NFATC2: variants seen among roughly 807,000 people sequenced by gnomAD.
NFATC2 encodes nuclear factor of activated T-cells, cytoplasmic 2.
A neutral mutation model predicts 87.3 loss-of-function variants in NFATC2; 22 were observed. The observed-to-expected ratio is 0.25, with a 90% CI of 0.18 to 0.36. NFATC2 has a LOEUF of 0.36. Among genes scored for constraint, NFATC2 ranks in the 10% least tolerant of loss-of-function variants. The pLI is 1.00. For synonymous variants in NFATC2, 565 were observed against 542.2 expected (o/e 1.04, Z -0.58); for missense variants, 1,149 against 1,259.1 (o/e 0.91, Z 1.32).
chr20:51,561,482 AG>A, intron 1 of NFATC2, among the ~76,000 whole-genome samples: 1 of 108,098 alleles, frequency 9.3e-6, no homozygotes, highest in East Asian at 2.8e-4. Context: ...AAAGAAAGAA[AG>A]AAAGCAAGCA....
chr20:51,462,808 G>C (rs1335353769), intron 5 of NFATC2, among the ~76,000 whole-genome samples: 9 of 152,164 alleles, frequency 5.9e-5, no homozygotes, highest in Admixed American at 3.9e-4. Flanking sequence ...TCCCGTTTTA[G>C]AGTAGAAGAC....
At chr20:51,539,592 TCCTA>T (rs1600990378) in intron 1 of NFATC2, among the ~76,000 whole-genome samples, 1 of 152,182 alleles carries the variant, frequency 6.6e-6, no homozygotes, top group Non-Finnish European at 1.5e-5. Context: ...TAAGAGATTC[TCCTA>T]CCTAAGCCTC....
At chr20:51,556,364 A>G (rs1342018345) in intron 1 of NFATC2, among the ~76,000 whole-genome samples, 1 of 152,168 alleles carries the variant, frequency 6.6e-6, no homozygotes, top group Non-Finnish European at 1.5e-5. Flanking sequence ...ACACACCCCA[A>G]GTCGTTCGCA....
chr20:51,444,648 AGTGTCAGCTC>A (rs1357292488), intron 6 of NFATC2, among the ~76,000 whole-genome samples: 3 of 152,188 alleles, frequency 2.0e-5, no homozygotes, highest in Non-Finnish European at 2.9e-5. Flanking sequence ...AGGAAATCAA[AGTGTCAGCTC>A]GTGTTAGGAA....
At chr20:51,502,281 C>T (rs753393300) in intron 3 of NFATC2, among the ~76,000 whole-genome samples, 2 of 152,198 alleles carry the variant, frequency 1.3e-5, no homozygotes, top group Admixed American at 6.5e-5. Context: ...TTGACCATGG[C>T]ACCATGCCCT....
intron 1 of NFATC2, among the ~76,000 whole-genome samples, chr20:51,561,308 T>A (rs1189421379): frequency 7.6e-6 from 1 of 131,150 alleles, no homozygotes. Context: ...CCCAAGGCAT[T>A]TGGCTTCAAT....
chr20:51,478,887 A>T (rs1173437137), intron 3 of NFATC2, among the ~76,000 whole-genome samples: 2 of 152,004 alleles, frequency 1.3e-5, no homozygotes, highest in Non-Finnish European at 2.9e-5. Flanking sequence ...CATTTTCTCC[A>T]CCTAGAATCC....
intron 6 of NFATC2, among the ~76,000 whole-genome samples, chr20:51,437,918 A>C (rs1419234380): frequency 6.6e-6 from 1 of 152,248 alleles, no homozygotes; most frequent in African/African-American, 2.4e-5. Flanking sequence ...GGTGAGGCCA[A>C]GAAAAGGCCA....
chr20:51,431,654 T>C (rs1030637390), intron 9 of NFATC2, among the ~76,000 whole-genome samples: 4 of 152,210 alleles, frequency 2.6e-5, no homozygotes, highest in African/African-American at 9.7e-5. Context: ...AAGAGGGCTA[T>C]AAAATGGGAT....
intron 3 of NFATC2, among the ~76,000 whole-genome samples, chr20:51,499,933 T>G (rs1025631683): frequency 2.0e-5 from 3 of 152,226 alleles, no homozygotes; most frequent in African/African-American, 7.2e-5. Context: ...TGGCCTATTG[T>G]ACATGCTCAA....
intron 1 of NFATC2, among the ~76,000 whole-genome samples, chr20:51,534,253 CA>C (rs1362426281): frequency 3.9e-5 from 4 of 103,168 alleles, no homozygotes; most frequent in South Asian, 2.8e-4. Flanking sequence ...CAGCGGGGGC[CA>C]GGGGGAGGGG....
chr20:51,444,697 C>T (rs1362028784), intron 6 of NFATC2, among the ~76,000 whole-genome samples: 3 of 152,128 alleles, frequency 2.0e-5, no homozygotes, highest in South Asian at 2.1e-4. Context: ...CAGTCCTGGC[C>T]GTGCTTTTAA....
At chr20:51,415,002 C>T (rs1438298417) in intron 9 of NFATC2, among the ~76,000 whole-genome samples, 1 of 152,110 alleles carries the variant, frequency 6.6e-6, no homozygotes, top group African/African-American at 2.4e-5. Context: ...GTAATCCCAG[C>T]ACTTTGGGAG....
chr20:51,551,661 C>T (rs2076933771), intron 1 of NFATC2, among the ~76,000 whole-genome samples: 2 of 150,892 alleles, frequency 1.3e-5, no homozygotes, highest in Non-Finnish European at 2.9e-5. Context: ...CGCATCTGGC[C>T]TTTTTAAAAA....
chr20:51,434,435 G>A (rs543731970), intron 8 of NFATC2, among the ~76,000 whole-genome samples: 1 of 152,360 alleles, frequency 6.6e-6, no homozygotes, highest in East Asian at 1.9e-4. Flanking sequence ...TCCCAAGGGA[G>A]AGCTCAGAGA....
At position 51,432,825 on chromosome 20, in the gene NFATC2, G is replaced by T; in HGVS notation, c.2033-69C>A. ...CCACGGATGTGCACGGAGGATTCGT[G>T]GATGGTGCTTGAGAACATGGCCTTG... On this transcript the variant is annotated intron_variant, in intron 8 of 10. Transcript: ENST00000371564. This position sits in a 1 kb window ranked among gnomAD's most constrained non-coding sequence, Gnocchi z 4.6. 1 of 1,388,350 alleles carries T rather than the reference G, an allele frequency of 7.2e-7. No homozygotes were observed. Among genetic ancestry groups the T allele is most frequent in the Non-Finnish European group, 9.6e-7 (1 of 1,046,518 alleles). The allele number at this position is 1,388,350 out of a possible 1,614,324, so 86.0% of individuals were successfully genotyped here. A position where few individuals can be genotyped will look rare whatever the true frequency, so the allele number is the denominator to read the frequency against.
intron 9 of NFATC2, among the ~76,000 whole-genome samples, chr20:51,428,271 A>G (rs998535101): frequency 2.6e-5 from 4 of 152,168 alleles, no homozygotes; most frequent in African/African-American, 9.7e-5. Flanking sequence ...AAGGGGGATG[A>G]CAGCAGAGAG....
intron 9 of NFATC2, among the ~76,000 whole-genome samples, chr20:51,400,341 T>C (rs117583862): frequency 0.018 from 2,686 of 152,196 alleles, 42 homozygotes; most frequent in Non-Finnish European, 0.027. Context: ...AGTCACACCC[T>C]TGGAGGAGTC....
intron 6 of NFATC2, among the ~76,000 whole-genome samples, chr20:51,447,230 C>T (rs1427031616): frequency 2.0e-5 from 3 of 152,130 alleles, no homozygotes; most frequent in Admixed American, 6.5e-5. Context: ...ACCACCCACG[C>T]GTCCTTTCTA....
Sources: gnomAD v4.1 joint callset for allele counts (sites outside exome capture counted in the v4.1 genomes callset) on GRCh38, gnomAD v4.1.1 for gene constraint, Gnocchi (gnomAD v3.1) non-coding constraint, MANE v1.5 for transcripts, NCBI Gene and HGNC (gene_info 2026-07-23, HGNC 2026-07-21) for gene names.